Variants in MBD5 observed in about 807,000 individuals in gnomAD.
The protein encoded by MBD5 is methyl-CpG-binding domain protein 5.
A neutral mutation model predicts 117.3 loss-of-function variants in MBD5; 13 were observed. The ratio of observed to expected loss-of-function variants is 0.11; its 90% CI spans 0.07 to 0.18. The LOEUF is 0.18. Ranked by LOEUF, MBD5 falls within the 10% of genes least tolerant of loss-of-function variation. MBD5 has a pLI of 1.00. For synonymous variants in MBD5, 727 were observed against 766.4 expected, an observed-to-expected ratio of 0.95 and a Z score of 0.85; for missense variants, 1,879 against 2,093.8, an observed-to-expected ratio of 0.90 and a Z score of 2.00.
chr2:148,108,016 A>G (rs1696412725), intron 1 of MBD5, among the ~76,000 whole-genome samples: 1 of 152,132 alleles, frequency 6.6e-6, no homozygotes, highest in South Asian at 2.1e-4. Context: ...TTCAAACTAC[A>G]GACTTCAATG....
chr2:148,478,251 T>C (rs1020076326), intron 8 of MBD5, among the ~76,000 whole-genome samples: 2 of 152,196 alleles, frequency 1.3e-5, no homozygotes, highest in African/African-American at 4.8e-5. Flanking sequence ...TATACATATA[T>C]CATGAATTAT....
chr2:148,231,621 A>T (rs961339894), intron 2 of MBD5, among the ~76,000 whole-genome samples: 1 of 152,110 alleles, frequency 6.6e-6, no homozygotes, highest in African/African-American at 2.4e-5. Context: ...CTATTCTGCC[A>T]TCTTGCCCTG....
intron 3 of MBD5, chr2:148,296,459 T>C (rs1306880149): frequency 6.5e-6 from 1 of 155,034 alleles, no homozygotes; most frequent in Non-Finnish European, 1.4e-5. Flanking sequence ...GCTAGAACTT[T>C]TTCCTGAAAT....
chr2:148,334,407 A>G (rs891290508), intron 3 of MBD5, among the ~76,000 whole-genome samples: 8 of 151,890 alleles, frequency 5.3e-5, no homozygotes, highest in Non-Finnish European at 8.8e-5. Flanking sequence ...AACATAGCTC[A>G]TTACAACCTG....
chr2:148,337,951 T>C (rs1303470164), intron 3 of MBD5, among the ~76,000 whole-genome samples: 1 of 152,142 alleles, frequency 6.6e-6, no homozygotes, highest in East Asian at 1.9e-4. Context: ...AGTCCTGAAA[T>C]GTAGCAGATG....
At chr2:148,345,171 G>GAT (rs534779115) in intron 4 of MBD5, among the ~76,000 whole-genome samples, 6 of 150,736 alleles carry the variant, frequency 4.0e-5, no homozygotes, top group Non-Finnish European at 7.4e-5. Context: ...GAACTAATAG[G>GAT]ATATATATAT....
At chr2:148,343,398 G>A (rs1703003312) in intron 4 of MBD5, among the ~76,000 whole-genome samples, 1 of 151,942 alleles carries the variant, frequency 6.6e-6, no homozygotes, top group Non-Finnish European at 1.5e-5. Context: ...CCAACAGTAT[G>A]TAAGCGTTCC....
At chr2:148,338,089 A>G (rs190908143) in intron 3 of MBD5, among the ~76,000 whole-genome samples, 1 of 152,198 alleles carries the variant, frequency 6.6e-6, no homozygotes, top group East Asian at 1.9e-4. Context: ...TGTTACTTAC[A>G]AGAATTTTTA....
intron 4 of MBD5, among the ~76,000 whole-genome samples, chr2:148,421,166 A>C (rs1161063768): frequency 6.6e-6 from 1 of 152,190 alleles, no homozygotes; most frequent in Non-Finnish European, 1.5e-5. Context: ...TCCGGTCTGC[A>C]GCTCCCAGCA....
chr2:148,173,514 G>A lies in MBD5; in HGVS notation c.-924-5186G>A, dbSNP rs995785867. ...GTATCATGAGCTGAACTCAGTCTGC[G>A]TGCTCAAGTGGACAGAATGAGCCCA... On this transcript the variant is annotated intron_variant, in intron 1 of 13. Transcript: ENST00000642680. Among the ~76,000 whole-genome samples, 22 of 152,140 alleles carry A rather than the reference G, an allele frequency of 1.4e-4. No individual in the cohort carries two copies. The South Asian group carries it at 2.1e-3, about 14-fold the overall frequency.
intron 1 of MBD5, among the ~76,000 whole-genome samples, chr2:148,086,384 A>T (rs990430188): frequency 6.6e-5 from 10 of 152,142 alleles, no homozygotes; most frequent in African/African-American, 2.2e-4. Context: ...CAGTTTTGTC[A>T]TTCAGAATCT....
intron 4 of MBD5, among the ~76,000 whole-genome samples, chr2:148,388,448 T>G (rs548164741): frequency 1.3e-5 from 2 of 152,198 alleles, no homozygotes; most frequent in Non-Finnish European, 2.9e-5. Flanking sequence ...GCAGGGAGTT[T>G]GAGATTACAG....
intron 3 of MBD5, among the ~76,000 whole-genome samples, chr2:148,255,244 T>G (rs1558992856): frequency 6.6e-6 from 1 of 151,858 alleles, no homozygotes; most frequent in Non-Finnish European, 1.5e-5. Context: ...CAAGGGCTTC[T>G]GCCCTGGGCA....
At chr2:148,024,672 CTAAT>C (rs891561492) in intron 1 of MBD5, among the ~76,000 whole-genome samples, 2 of 152,088 alleles carry the variant, frequency 1.3e-5, no homozygotes, top group African/African-American at 4.8e-5. Flanking sequence ...CTCATTTTAT[CTAAT>C]TAACAGCCAA....
At chr2:148,261,999 G>A (rs1386424920) in intron 3 of MBD5, among the ~76,000 whole-genome samples, 2 of 152,120 alleles carry the variant, frequency 1.3e-5, no homozygotes, top group African/African-American at 4.8e-5. Flanking sequence ...TTTTTATATG[G>A]ACATGTGTTG....
At chr2:148,385,000 A>G (rs1488789032) in intron 4 of MBD5, among the ~76,000 whole-genome samples, 2 of 152,262 alleles carry the variant, frequency 1.3e-5, no homozygotes, top group Admixed American at 6.5e-5. Flanking sequence ...ACCTAAAACC[A>G]TCAAAAACCC....
At chr2:148,226,795 G>T (rs557047593) in intron 2 of MBD5, among the ~76,000 whole-genome samples, 220 of 152,238 alleles carry the variant, frequency 1.4e-3, no homozygotes, top group African/African-American at 4.9e-3. Flanking sequence ...ACTTTTTAAT[G>T]ATCACTATTC....
intron 3 of MBD5, chr2:148,264,710 C>T (rs925811415): frequency 6.6e-6 from 1 of 152,178 alleles, no homozygotes; most frequent in African/African-American, 2.4e-5. Context: ...AAAGCCTTGC[C>T]AATGTCATAC....
rs933259057 is a variant in MBD5, at chr2:148,242,579, A to C, written c.-680+9184A>C. ...TGCAGTATTTCTTTTCTATCAAAGA[A>C]GAATGAGTCTAAGGAAGTTTCTGAT... On this transcript the variant is annotated intron_variant, in intron 3 of 13. Coordinates refer to ENST00000642680, the MANE Select transcript of MBD5 (RefSeq NM_001378120.1). Among the ~76,000 whole-genome samples, 3 of 152,208 alleles carry C rather than the reference A, an allele frequency of 2.0e-5. No individual in the cohort carries two copies. The East Asian group carries it at 5.8e-4, about 29-fold the overall frequency.
Sources: allele counts gnomAD v4.1 joint callset (sites outside exome capture counted in the v4.1 genomes callset), GRCh38; gene constraint gnomAD v4.1.1; transcripts MANE v1.5; gene names NCBI Gene and HGNC (gene_info 2026-07-23, HGNC 2026-07-21).